The following STAG1 variants were observed in gnomAD, a reference collection of about 807,000 sequenced individuals.
STAG1 encodes cohesin subunit SA-1.
A neutral mutation model predicts 170.9 loss-of-function variants in STAG1; 26 were observed. The observed-to-expected ratio is 0.15, with a 90% CI of 0.11 to 0.21. The LOEUF is 0.21. Among genes scored for constraint, STAG1 ranks in the 10% least tolerant of loss-of-function variants. The pLI, the probability that STAG1 is intolerant of heterozygous loss-of-function variation, is 1.00. For missense variants in STAG1, 964 were observed against 1,509.5 expected (o/e 0.64, Z 5.99); for synonymous variants, 514 against 497.7 (o/e 1.03, Z -0.44).
chr3:136,730,342 C>T lies in STAG1; in HGVS notation c.-84+21853G>A, dbSNP rs1220113137. ...TAAAAATAAAGATGTCATTATTTTG[C>T]CATCCAAATTCAAGAACCCAAGGTT... is the stretch of plus-strand genomic sequence containing the variant. On this transcript the variant is annotated intron_variant, in intron 1 of 33. Transcript: ENST00000383202. Among the ~76,000 whole-genome samples the T allele has an allele frequency of 3.3e-5, 5 of 152,164 alleles. No individual in the cohort carries two copies. In the East Asian group the frequency reaches 9.6e-4, roughly 29 times the overall value.
At chr3:136,734,912 A>G (rs991383910) in intron 1 of STAG1, among the ~76,000 whole-genome samples, 2 of 152,170 alleles carry the variant, frequency 1.3e-5, no homozygotes, top group Non-Finnish European at 2.9e-5. Context: ...AAGCCAGGCA[A>G]ATACCTCATG....
intron 6 of STAG1, among the ~76,000 whole-genome samples, chr3:136,533,769 G>A (rs575346201): frequency 1.3e-5 from 2 of 152,126 alleles, no homozygotes; most frequent in African/African-American, 4.8e-5. Flanking sequence ...GATTTAAAGG[G>A]GACAAACATC....
chr3:136,536,731 G>A (rs1056004088), intron 6 of STAG1, among the ~76,000 whole-genome samples: 7 of 149,410 alleles, frequency 4.7e-5, no homozygotes, highest in Admixed American at 2.0e-4. Context: ...AAAAAACTAC[G>A]GCTGTAGGAG....
intron 6 of STAG1, among the ~76,000 whole-genome samples, chr3:136,522,815 A>G (rs531296492): frequency 5.3e-4 from 78 of 147,332 alleles, no homozygotes; most frequent in Non-Finnish European, 3.4e-4. Context: ...GAGAACATGC[A>G]GTGTTTGGTT....
At chr3:136,596,833 G>A (rs1163240208) in intron 4 of STAG1, among the ~76,000 whole-genome samples, 2 of 152,184 alleles carry the variant, frequency 1.3e-5, no homozygotes, top group African/African-American at 2.4e-5. Context: ...AGCACCTTGG[G>A]AGGCCAAGGC....
At chr3:136,580,680 C>T (rs368050302) in intron 4 of STAG1, among the ~76,000 whole-genome samples, 1,635 of 149,970 alleles carry the variant, frequency 0.011, 25 homozygotes, top group East Asian at 0.049. Context: ...ACTACAGGCG[C>T]CCGCCACCGC....
intron 22 of STAG1, among the ~76,000 whole-genome samples, chr3:136,390,893 T>C (rs999268762): frequency 3.3e-5 from 5 of 152,182 alleles, no homozygotes; most frequent in African/African-American, 1.2e-4. Context: ...CTGAGCCTAT[T>C]TCTAACACAT....
intron 6 of STAG1, among the ~76,000 whole-genome samples, chr3:136,540,206 G>A (rs1935823764): frequency 6.6e-6 from 1 of 151,286 alleles, no homozygotes; most frequent in South Asian, 2.1e-4. Context: ...AGTAACAAAA[G>A]GAATAATATC....
At chr3:136,346,412 ACT>A (rs1244992793) in intron 29 of STAG1, among the ~76,000 whole-genome samples, 1 of 152,068 alleles carries the variant, frequency 6.6e-6, no homozygotes, top group Non-Finnish European at 1.5e-5. Flanking sequence ...GAAGGATGAA[ACT>A]CTGCAGCCTA....
chr3:136,416,311 A>T (rs2087771590), intron 21 of STAG1, among the ~76,000 whole-genome samples: 1 of 152,178 alleles, frequency 6.6e-6, no homozygotes, highest in South Asian at 2.1e-4. Flanking sequence ...CAGCCCCTAA[A>T]GCCACAAAAC....
At chr3:136,472,635 A>T (rs1012875384) in intron 11 of STAG1, 143 bp from the exon 12 acceptor site, 1 of 544,002 alleles carries the variant, frequency 1.8e-6, no homozygotes, top group African/African-American at 1.9e-5. Flanking sequence ...GCAGTATTGT[A>T]GTCCTACTCA....
chr3:136,679,611 C>T (rs1231182578), intron 1 of STAG1, among the ~76,000 whole-genome samples: 1 of 151,658 alleles, frequency 6.6e-6, no homozygotes, highest in Non-Finnish European at 1.5e-5. Flanking sequence ...CGCCTGTAGT[C>T]CCAGCTACTC....
chr3:136,346,543 C>T (rs1936228669), intron 29 of STAG1, among the ~76,000 whole-genome samples: 1 of 152,092 alleles, frequency 6.6e-6, no homozygotes, highest in African/African-American at 2.4e-5. Flanking sequence ...TTCTCTTAAT[C>T]TTGAAAATAA....
intron 21 of STAG1, among the ~76,000 whole-genome samples, chr3:136,404,109 C>G (rs1226725168): frequency 6.6e-6 from 1 of 152,176 alleles, no homozygotes; most frequent in Non-Finnish European, 1.5e-5. Flanking sequence ...AATCATTGTT[C>G]AGTAACTTCG....
intron 1 of STAG1, among the ~76,000 whole-genome samples, chr3:136,711,454 G>A (rs554956143): frequency 2.8e-4 from 42 of 151,984 alleles, no homozygotes; most frequent in Non-Finnish European, 5.3e-4. Flanking sequence ...CCAGCTACTC[G>A]GGAGGCTGAG....
intron 1 of STAG1, among the ~76,000 whole-genome samples, chr3:136,662,984 G>A (rs558339832): frequency 6.2e-4 from 95 of 152,184 alleles, no homozygotes; most frequent in African/African-American, 2.2e-3. Flanking sequence ...CTGGGAGGTG[G>A]AGGTTGCAGT....
At chr3:136,702,072 C>CGAAAGA in intron 1 of STAG1, among the ~76,000 whole-genome samples, 1 of 82,392 alleles carries the variant, frequency 1.2e-5, no homozygotes, top group African/African-American at 5.2e-5. Flanking sequence ...ACCACCATGC[C>CGAAAGA]GAAAGAGAGA....
intron 4 of STAG1, chr3:136,591,632 C>A: frequency 3.6e-6 from 1 of 277,596 alleles, no homozygotes; most frequent in African/African-American, 2.3e-5. Flanking sequence ...AGAAATATGG[C>A]TATTGTGCAA....
At chr3:136,540,326 A>C (rs545227874) in intron 6 of STAG1, among the ~76,000 whole-genome samples, 2 of 151,900 alleles carry the variant, frequency 1.3e-5, no homozygotes, top group Non-Finnish European at 2.9e-5. Context: ...TATCAAACAA[A>C]AAAAAAAAAC....
Sources: allele counts gnomAD v4.1 joint callset (sites outside exome capture counted in the v4.1 genomes callset), GRCh38; gene constraint gnomAD v4.1.1; transcripts MANE v1.5; gene names NCBI Gene and HGNC (gene_info 2026-07-23, HGNC 2026-07-21).